TOPBP1: variants seen among roughly 807,000 people sequenced by gnomAD.
TOPBP1 encodes DNA topoisomerase 2-binding protein 1.
A neutral mutation model predicts 167.7 loss-of-function variants in TOPBP1; 28 were observed. The observed-to-expected ratio is 0.17, with a 90% CI of 0.12 to 0.23. TOPBP1 has a LOEUF of 0.23. Among genes scored for constraint, TOPBP1 ranks in the 10% least tolerant of loss-of-function variants. The pLI is 1.00. For synonymous variants in TOPBP1, 598 were observed against 611.4 expected (o/e 0.98, Z 0.32); for missense variants, 1,554 against 1,809.6 (o/e 0.86, Z 2.56).
intron 4 of TOPBP1, 42 bp downstream of exon 4, chr3:133,657,756 T>C (rs759843411): frequency 3.5e-6 from 5 of 1,423,394 alleles, no homozygotes; most frequent in Admixed American, 5.6e-5. Context: ...GAATAAGAGA[T>C]AGATATATAA....
intron 27 of TOPBP1, among the ~76,000 whole-genome samples, chr3:133,607,403 A>C (rs553435364): frequency 6.6e-6 from 1 of 152,108 alleles, no homozygotes; most frequent in Non-Finnish European, 1.5e-5. Context: ...TTTTATGGAC[A>C]TATTTTTTCA....
In TOPBP1 at chr3:133,649,421, T is replaced by G. The variant is rs767354110; in HGVS notation, c.1466A>C (p.Asp489Ala). Residue 489 changes from aspartate (D) to alanine (A), a missense_variant, in exon 10 of 28, where the codon GAT (aspartate) becomes GCT (alanine). Asp to Ala is a moderately radical substitution (Grantham distance 126, BLOSUM62 -2). Around this residue, in one of 3 missense-constraint regions of TOPBP1, gnomAD observed 1,197 missense variants for 1,351.5 expected, o/e 0.89. Transcript: ENST00000260810. ...PSEKHEQADE[D>A]LLSQYENGSS... ...ACCATTTTCATATTGAGAGAGCAGA[T>G]CTTCATCAGCTTGCTCATGCTTTTC... 1.3e-5 allele frequency: 21 copies of G among 1,613,774 alleles called. No homozygotes were observed. The South Asian group carries it at 2.3e-4, about 18-fold the overall frequency.
chr3:133,654,801 T>G (rs1015617524), intron 6 of TOPBP1, among the ~76,000 whole-genome samples: 3 of 152,166 alleles, frequency 2.0e-5, no homozygotes, highest in African/African-American at 7.2e-5. Flanking sequence ...GTCTTCCAGT[T>G]AAAACTTTGC....
chr3:133,608,128 T>G (rs955216095), intron 27 of TOPBP1, among the ~76,000 whole-genome samples: 1 of 152,176 alleles, frequency 6.6e-6, no homozygotes, highest in African/African-American at 2.4e-5. Flanking sequence ...GCCCACCATA[T>G]AGCAAATGCT....
At chr3:133,629,635 G>GT (rs1326207270) in intron 14 of TOPBP1, among the ~76,000 whole-genome samples, 1 of 152,120 alleles carries the variant, frequency 6.6e-6, no homozygotes, top group Non-Finnish European at 1.5e-5. Context: ...AAGTATGAGT[G>GT]TGTGTGTTTT....
chr3:133,612,410 C>A lies in TOPBP1; in HGVS notation c.4014G>T (p.Arg1338Ser), dbSNP rs1446796167. 2.5e-6 allele frequency: 4 copies of A among 1,613,820 alleles called. No homozygotes were observed. Among genetic ancestry groups the A allele is most frequent in the Non-Finnish European group, 2.5e-6 (3 of 1,179,854 alleles). Residue 1338 changes from arginine to serine, a missense_variant, in exon 24 of 28, where the codon AGG becomes AGT. Transcript: ENST00000260810. Reference protein sequence around the residue: ...VLHRSYLEACRTAGHFVQEED... With the variant: ...VLHRSYLEACSTAGHFVQEED... ...ACACCTGCACGAAGTGTCCAGCAGT[C>A]CTGCAGGCTTCAAGGTAGGAGCGAT...
intron 10 of TOPBP1, 66 bp from the exon 11 acceptor site, chr3:133,644,429 G>C: frequency 7.5e-7 from 1 of 1,340,758 alleles, no homozygotes; most frequent in South Asian, 1.6e-5. Flanking sequence ...TCCTAGCAAG[G>C]ATATTAACGT....
chr3:133,638,406 A>G (rs2107807313), intron 13 of TOPBP1, among the ~76,000 whole-genome samples: 1 of 152,344 alleles, frequency 6.6e-6, no homozygotes. Context: ...CATTAAATAT[A>G]TGTTGAGTTA....
chr3:133,658,820 C>G (rs969906370), intron 3 of TOPBP1, among the ~76,000 whole-genome samples, 196 bp downstream of exon 3: 1 of 151,982 alleles, frequency 6.6e-6, no homozygotes, highest in Non-Finnish European at 1.5e-5. Flanking sequence ...AAAACAAAAA[C>G]AAAAACAAAC....
At chr3:133,657,202 G>A (rs1576317144) in intron 4 of TOPBP1, among the ~76,000 whole-genome samples, 1 of 151,006 alleles carries the variant, frequency 6.6e-6, no homozygotes, top group South Asian at 2.1e-4. Context: ...TTTTTAGCCA[G>A]GCTTGGTGGT....
intron 19 of TOPBP1, among the ~76,000 whole-genome samples, chr3:133,622,162 A>C (rs954854941): frequency 4.7e-5 from 7 of 149,738 alleles, no homozygotes; most frequent in African/African-American, 1.5e-4. Flanking sequence ...ATGAAATAGC[A>C]TGTATAGTAG....
intron 23 of TOPBP1, 73 bp downstream of exon 23, chr3:133,616,735 GATATTA>G (rs942928012): frequency 5.8e-5 from 45 of 775,282 alleles, no homozygotes; most frequent in African/African-American, 5.3e-4. Flanking sequence ...CTTTACAAAT[GATATTA>G]ATATTGACTA....
At chr3:133,653,561 G>A (rs762696856) in intron 6 of TOPBP1, 37 bp from the exon 7 acceptor site, 7 of 1,441,430 alleles carry the variant, frequency 4.9e-6, no homozygotes, top group Admixed American at 2.7e-5. Flanking sequence ...GAGAAAATAG[G>A]AGAAACCAAG....
At chr3:133,613,536 G>A (rs1322696515) in intron 23 of TOPBP1, among the ~76,000 whole-genome samples, 1 of 152,170 alleles carries the variant, frequency 6.6e-6, no homozygotes, top group African/African-American at 2.4e-5. Context: ...AATTTTTTAT[G>A]AGTGGAAATA....
At chr3:133,609,652 G>A (rs1468181425) in intron 25 of TOPBP1, among the ~76,000 whole-genome samples, 2 of 152,138 alleles carry the variant, frequency 1.3e-5, no homozygotes, top group Non-Finnish European at 2.9e-5. Context: ...GGTTTTATAA[G>A]GGGTTTTTCC....
At chr3:133,616,404 G>A (rs2017361) in intron 23 of TOPBP1, among the ~76,000 whole-genome samples, 2,270 of 152,098 alleles carry the variant, frequency 0.015, 65 homozygotes, top group African/African-American at 0.051. Flanking sequence ...TTACAGGCAC[G>A]AGCCACCGTG....
At chr3:133,618,538 C>T in intron 20 of TOPBP1, 105 bp from the exon 21 acceptor site, 4 of 910,734 alleles carry the variant, frequency 4.4e-6, no homozygotes, top group South Asian at 3.3e-5. Flanking sequence ...TATATGCCCA[C>T]CATCTAGCAC....
chr3:133,635,403 C>A (rs1174074037), intron 14 of TOPBP1, among the ~76,000 whole-genome samples: 4 of 151,810 alleles, frequency 2.6e-5, no homozygotes, highest in Non-Finnish European at 5.9e-5. Flanking sequence ...TAGGTGCACT[C>A]CACCAAGCCC....
At chr3:133,622,507 T>G (rs1157810622) in intron 19 of TOPBP1, among the ~76,000 whole-genome samples, 1 of 149,446 alleles carries the variant, frequency 6.7e-6, no homozygotes, top group Non-Finnish European at 1.5e-5. Flanking sequence ...TGTTTGTTTG[T>G]TTTTTTTTAA....
Sources: allele counts gnomAD v4.1 joint callset (sites outside exome capture counted in the v4.1 genomes callset), GRCh38; gene constraint gnomAD v4.1.1; regional missense constraint gnomAD v4.1.1; transcripts MANE v1.5; gene names NCBI Gene and HGNC (gene_info 2026-07-23, HGNC 2026-07-21).